Variants in SPSB4 observed in about 807,000 individuals in gnomAD.
SPSB4 encodes the protein SPRY domain-containing SOCS box protein 4.
A neutral mutation model predicts 20.9 loss-of-function variants in SPSB4; 21 were observed. That is an observed-to-expected ratio of 1.01 (90% CI 0.71 to 1.45). SPSB4 has a LOEUF of 1.45. Ranked by LOEUF, SPSB4 falls within the 40% of genes most tolerant of loss-of-function variation. The probability of loss-of-function intolerance (pLI) is 0.00; values close to 1 mark genes in which losing one functional copy is unlikely to be tolerated. For missense variants in SPSB4, 399 were observed against 399.2 expected (o/e 1.00, Z 0.00); for synonymous variants, 207 against 183.8 (o/e 1.13, Z -1.02).
intron 2 of SPSB4, among the ~76,000 whole-genome samples, chr3:141,096,308 A>T (rs967646741): frequency 1.3e-5 from 2 of 152,216 alleles, no homozygotes; most frequent in Non-Finnish European, 2.9e-5. Context: ...GGGACCTCCT[A>T]AAACACAGGT....
At chr3:141,119,622 T>G (rs898920182) in intron 2 of SPSB4, among the ~76,000 whole-genome samples, 30 of 152,338 alleles carry the variant, frequency 2.0e-4, no homozygotes, top group Non-Finnish European at 7.4e-5. Flanking sequence ...ATATTAGCTG[T>G]GGGTTTGTCA....
chr3:141,089,748 G>A (rs1158856437), intron 2 of SPSB4, among the ~76,000 whole-genome samples: 1 of 152,132 alleles, frequency 6.6e-6, no homozygotes, highest in Non-Finnish European at 1.5e-5. Context: ...TATTCTTTGG[G>A]GAAATTTGTC....
chr3:141,134,057 T>TTTTTTTTTTTTTTTTTTTTTTTC (rs1939186010), intron 2 of SPSB4, among the ~76,000 whole-genome samples: 1 of 64,090 alleles, frequency 1.6e-5, no homozygotes, highest in African/African-American at 9.0e-5. Context: ...TTCTTTTTTC[T>TTTTTTTTTTTTTTTTTTTTTTTC]TTTTTTTTTT....
intron 2 of SPSB4, among the ~76,000 whole-genome samples, chr3:141,081,849 C>A (rs59870469): frequency 6.6e-6 from 1 of 152,026 alleles, no homozygotes; most frequent in African/African-American, 2.4e-5. Context: ...AAGGCCTGGA[C>A]GGCGTTAGGG....
intron 2 of SPSB4, among the ~76,000 whole-genome samples, chr3:141,123,775 G>A (rs1939008188): frequency 6.6e-6 from 1 of 152,176 alleles, no homozygotes; most frequent in South Asian, 2.1e-4. Context: ...GCAGAGGTTG[G>A]GAAGATCCGT....
chr3:141,144,180 G>A (rs1939376319), intron 2 of SPSB4, among the ~76,000 whole-genome samples: 2 of 152,142 alleles, frequency 1.3e-5, no homozygotes, highest in Non-Finnish European at 2.9e-5. Context: ...TTCAGTCCCA[G>A]GCATCACAGG....
chr3:141,135,773 T>A (rs1304095982), intron 2 of SPSB4, among the ~76,000 whole-genome samples: 1 of 152,138 alleles, frequency 6.6e-6, no homozygotes, highest in Admixed American at 6.5e-5. Context: ...TCCAAGTCTT[T>A]GCTATTGTGA....
intron 2 of SPSB4, among the ~76,000 whole-genome samples, chr3:141,133,699 A>G (rs1316308097): frequency 6.6e-6 from 1 of 152,182 alleles, no homozygotes; most frequent in Non-Finnish European, 1.5e-5. Flanking sequence ...ATAGCCTTGT[A>G]GTATAAAGTT....
intron 2 of SPSB4, among the ~76,000 whole-genome samples, chr3:141,122,687 G>A (rs528032116): frequency 7.2e-5 from 11 of 152,354 alleles, no homozygotes; most frequent in Non-Finnish European, 1.5e-4. Context: ...AGCATCGCAG[G>A]TCAATCTCAG....
At chr3:141,108,700 G>A (rs755989527) in intron 2 of SPSB4, among the ~76,000 whole-genome samples, 1 of 152,218 alleles carries the variant, frequency 6.6e-6, no homozygotes, top group Non-Finnish European at 1.5e-5. Flanking sequence ...ATTAATAAAG[G>A]GCTCTGGGTA....
chr3:141,077,351 G>A (rs779654830), intron 2 of SPSB4: 7 of 152,206 alleles, frequency 4.6e-5, no homozygotes, highest in Non-Finnish European at 8.8e-5. Context: ...CGCCTGCTGG[G>A]AGCCCCAGTG....
At chr3:141,055,453 G>A (rs1937621154) in intron 1 of SPSB4, among the ~76,000 whole-genome samples, 1 of 152,124 alleles carries the variant, frequency 6.6e-6, no homozygotes, top group Non-Finnish European at 1.5e-5. Context: ...GGGCCCCTGG[G>A]TGCCAAGCAA....
chr3:141,064,704 G>C (rs1404167758), intron 1 of SPSB4, among the ~76,000 whole-genome samples: 1 of 152,182 alleles, frequency 6.6e-6, no homozygotes, highest in Non-Finnish European at 1.5e-5. Context: ...AGGAGAAGTT[G>C]TTCTAGGCCC....
chr3:141,133,697 G>A (rs960084037), intron 2 of SPSB4, among the ~76,000 whole-genome samples: 5 of 152,006 alleles, frequency 3.3e-5, no homozygotes, highest in Admixed American at 3.3e-4. Flanking sequence ...CTATAGCCTT[G>A]TAGTATAAAG....
intron 2 of SPSB4, among the ~76,000 whole-genome samples, chr3:141,079,169 G>A (rs575719483): frequency 6.6e-6 from 1 of 152,058 alleles, no homozygotes; most frequent in South Asian, 2.1e-4. Flanking sequence ...GCTGAGGCAG[G>A]AGGATGGCGT....
At chr3:141,103,143 C>G (rs1938638511) in intron 2 of SPSB4, among the ~76,000 whole-genome samples, 1 of 152,242 alleles carries the variant, frequency 6.6e-6, no homozygotes, top group African/African-American at 2.4e-5. Flanking sequence ...GGGGCAGCCT[C>G]TGAAGACAGC....
chr3:141,131,122 G>A (rs970884034), intron 2 of SPSB4, among the ~76,000 whole-genome samples: 8 of 152,044 alleles, frequency 5.3e-5, no homozygotes, highest in Non-Finnish European at 7.4e-5. Flanking sequence ...GGCCTGTTAC[G>A]TCATACCATC....
At chr3:141,057,836 G>C (rs1937683823) in intron 1 of SPSB4, among the ~76,000 whole-genome samples, 1 of 152,194 alleles carries the variant, frequency 6.6e-6, no homozygotes, top group Non-Finnish European at 1.5e-5. Context: ...GTAATATGCA[G>C]TCTATAAAGG....
rs1297165222 is a variant in SPSB4, at chr3:141,051,843, C to A, written c.-303C>A. 6.6e-6 allele frequency: 1 copy of A among 151,980 alleles called. No individual in the cohort carries two copies. Among genetic ancestry groups the A allele is most frequent in the African/African-American group, 2.4e-5 (1 of 41,382 alleles). 9.4% of individuals were successfully genotyped at this position (151,980 alleles called of 1,614,324 possible). A position where few individuals can be genotyped will look rare whatever the true frequency, so the allele number is the denominator to read the frequency against. On this transcript the variant is annotated 5_prime_UTR_variant, in exon 1 of 3. Coordinates refer to ENST00000310546, the MANE Select transcript of SPSB4 (RefSeq NM_080862.3). ...CTGCCGGGCATCAGCCGTGAGGACG[C>A]GCCCCTGGCCGTGCGGAGAGAGCCG...
Sources: gnomAD v4.1 joint callset for allele counts (sites outside exome capture counted in the v4.1 genomes callset) on GRCh38, gnomAD v4.1.1 for gene constraint, MANE v1.5 for transcripts, NCBI Gene and HGNC (gene_info 2026-07-23, HGNC 2026-07-21) for gene names.